The following CAMTA1 variants were observed in gnomAD, a reference collection of about 807,000 sequenced individuals.
CAMTA1 encodes calmodulin binding transcription activator 1.
Under a neutral mutation model 170.9 loss-of-function variants are expected in CAMTA1, and 27 were observed. The observed-to-expected ratio is 0.16, with a 90% CI of 0.12 to 0.22. The LOEUF is 0.22. Ranked by LOEUF, CAMTA1 falls within the 10% of genes least tolerant of loss-of-function variation. The pLI, the probability that CAMTA1 is intolerant of heterozygous loss-of-function variation, is 1.00. For missense variants in CAMTA1, 1,619 were observed against 2,217.2 expected, an observed-to-expected ratio of 0.73 and a Z score of 5.42; for synonymous variants, 833 against 891.5, an observed-to-expected ratio of 0.93 and a Z score of 1.17.
At chr1:7,350,223 C>A (rs1465127004) in intron 5 of CAMTA1, among the ~76,000 whole-genome samples, 2 of 152,140 alleles carry the variant, frequency 1.3e-5, no homozygotes, top group Non-Finnish European at 2.9e-5. Context: ...CACTGAGCAC[C>A]CCTCATTGGC....
intron 6 of CAMTA1, among the ~76,000 whole-genome samples, chr1:7,637,940 C>T (rs1450052338): frequency 2.0e-5 from 3 of 152,202 alleles, no homozygotes; most frequent in African/African-American, 4.8e-5. Flanking sequence ...CCAGAAAAGC[C>T]GCCATTAAGG....
rs200788697 is a variant in CAMTA1 at position 7,604,118 on chromosome 1, T to C, written c.511-36282T>C. On this transcript the variant is annotated intron_variant, in intron 6 of 22. Coordinates refer to ENST00000303635, the MANE Select transcript of CAMTA1 (RefSeq NM_015215.4). ...TTTCTCTCTGGCTGCCCTTAACATT[T>C]TTTCCTTCATTTCAAGTTTGATGAA... Among the ~76,000 whole-genome samples the C allele has an allele frequency of 3.3e-5, 5 of 152,328 alleles. No homozygotes were observed. In the East Asian group the frequency reaches 9.6e-4, roughly 29 times the overall value.
At chr1:6,994,886 TA>T (rs1461174080) in intron 3 of CAMTA1, among the ~76,000 whole-genome samples, 1 of 152,176 alleles carries the variant, frequency 6.6e-6, no homozygotes, top group Non-Finnish European at 1.5e-5. Context: ...CAGGCTGGTC[TA>T]AAACTCCTGG....
chr1:7,696,945 T>G (rs2149459716), intron 11 of CAMTA1, among the ~76,000 whole-genome samples: 1 of 152,162 alleles, frequency 6.6e-6, no homozygotes, highest in East Asian at 1.9e-4. Context: ...GTGGGACCTG[T>G]GAGTTAAACC....
chr1:7,075,467 A>G (rs779457247), intron 3 of CAMTA1, among the ~76,000 whole-genome samples: 22 of 152,138 alleles, frequency 1.4e-4, no homozygotes, highest in African/African-American at 2.2e-4. Flanking sequence ...ACTGGTTACC[A>G]CAAACTGCAG....
intron 11 of CAMTA1, among the ~76,000 whole-genome samples, chr1:7,678,663 C>T (rs1424593525): frequency 6.6e-6 from 1 of 152,190 alleles, no homozygotes; most frequent in Non-Finnish European, 1.5e-5. Context: ...AGGAGGGATG[C>T]CTGTCCATAA....
At chr1:7,187,126 G>A (rs900041237) in intron 4 of CAMTA1, among the ~76,000 whole-genome samples, 15 of 152,098 alleles carry the variant, frequency 9.9e-5, no homozygotes, top group Admixed American at 2.0e-4. Flanking sequence ...GAGTGGCTGG[G>A]GCACAGGGCA....
At chr1:6,868,917 T>C (rs1017128483) in intron 3 of CAMTA1, among the ~76,000 whole-genome samples, 1 of 152,196 alleles carries the variant, frequency 6.6e-6, no homozygotes, top group Non-Finnish European at 1.5e-5. Flanking sequence ...TGCAAGGTTT[T>C]GGGGGTTGGT....
intron 4 of CAMTA1, among the ~76,000 whole-genome samples, chr1:7,227,077 C>T (rs71637372): frequency 0.02 from 3,115 of 152,188 alleles, 41 homozygotes; most frequent in Middle Eastern, 0.092. Context: ...TCGTGATCCA[C>T]CCGCCTCATC....
At chr1:6,888,404 T>TA (rs1286247856) in intron 3 of CAMTA1, among the ~76,000 whole-genome samples, 4 of 152,224 alleles carry the variant, frequency 2.6e-5, no homozygotes, top group Non-Finnish European at 5.9e-5. Flanking sequence ...ATTACAGACT[T>TA]ACTATATGTG....
chr1:7,237,014 G>A lies in CAMTA1; in HGVS notation c.303-12477G>A, dbSNP rs572544143. On this transcript the variant is annotated intron_variant, in intron 4 of 22. Coordinates refer to ENST00000303635, the MANE Select transcript of CAMTA1 (RefSeq NM_015215.4). ...CTGATTGACATTTGGGGTCAGGGCT[G>A]GGAGGCAGTTGGAACTGCATGAACT... 2.6e-5 allele frequency among the ~76,000 whole-genome samples: 4 copies of A among 152,328 alleles called. No homozygotes were observed. In the East Asian group the frequency reaches 7.7e-4, roughly 29 times the overall value.
intron 5 of CAMTA1, among the ~76,000 whole-genome samples, chr1:7,363,171 G>A (rs147021704): frequency 1.3e-5 from 2 of 152,326 alleles, no homozygotes; most frequent in African/African-American, 4.8e-5. Context: ...ACAGGAACAT[G>A]GTGCCCACTT....
chr1:7,655,295 C>CA (rs540045167), intron 7 of CAMTA1, among the ~76,000 whole-genome samples: 2 of 145,916 alleles, frequency 1.4e-5, no homozygotes, highest in Non-Finnish European at 3.0e-5. Context: ...CACACACACA[C>CA]CTATACACAC....
At chr1:7,691,740 A>G (rs2096314618) in intron 11 of CAMTA1, among the ~76,000 whole-genome samples, 1 of 152,122 alleles carries the variant, frequency 6.6e-6, no homozygotes, top group Admixed American at 6.5e-5. Flanking sequence ...GCAAATAGAC[A>G]AGAGAGCGAG....
intron 4 of CAMTA1, among the ~76,000 whole-genome samples, chr1:7,186,173 C>G (rs1431424029): frequency 6.6e-6 from 1 of 151,506 alleles, no homozygotes; most frequent in African/African-American, 2.4e-5. Flanking sequence ...AGCAAAAGAG[C>G]AAAAGAGAGA....
intron 1 of CAMTA1, among the ~76,000 whole-genome samples, chr1:6,806,711 C>T (rs1408823979): frequency 6.6e-6 from 1 of 151,854 alleles, no homozygotes; most frequent in Non-Finnish European, 1.5e-5. Flanking sequence ...TGATACCTTG[C>T]ATGTTTTAAA....
At chr1:6,942,556 G>A (rs558079467) in intron 3 of CAMTA1, among the ~76,000 whole-genome samples, 2 of 152,310 alleles carry the variant, frequency 1.3e-5, no homozygotes, top group Non-Finnish European at 1.5e-5. Context: ...CTACTTGGGA[G>A]GCTAAGGTGA....
chr1:6,879,586 G>T (rs1449881705), intron 3 of CAMTA1, among the ~76,000 whole-genome samples: 1 of 151,138 alleles, frequency 6.6e-6, no homozygotes, highest in African/African-American at 2.4e-5. Flanking sequence ...CACAGGTTTA[G>T]ATTATAAAGG....
chr1:7,079,902 G>A (rs904680371), intron 3 of CAMTA1, among the ~76,000 whole-genome samples: 33 of 152,268 alleles, frequency 2.2e-4, no homozygotes, highest in Non-Finnish European at 4.0e-4. Context: ...CTTGAGTGCC[G>A]AAAGGGGGAA....
Sources: gnomAD v4.1 joint callset for allele counts (sites outside exome capture counted in the v4.1 genomes callset) on GRCh38, gnomAD v4.1.1 for gene constraint, MANE v1.5 for transcripts, NCBI Gene and HGNC (gene_info 2026-07-23, HGNC 2026-07-21) for gene names.